The following PTPRZ1 variants were observed in gnomAD, a reference collection of about 807,000 sequenced individuals.
The protein encoded by PTPRZ1 is receptor-type tyrosine-protein phosphatase zeta.
PTPRZ1 carries 82 observed loss-of-function variants against 214.1 expected under a neutral mutation model. The observed-to-expected ratio is 0.38, with a 90% CI of 0.32 to 0.46. PTPRZ1 has a LOEUF of 0.46. PTPRZ1 is among the 20% of genes least tolerant of loss of function. The probability of loss-of-function intolerance (pLI) is 1.00; values close to 1 mark genes in which losing one functional copy is unlikely to be tolerated. For missense variants in PTPRZ1, 2,603 were observed against 2,748.7 expected (o/e 0.95, Z 1.19); for synonymous variants, 945 against 987.9 (o/e 0.96, Z 0.81).
chr7:121,924,234 T>G (rs1003229087), intron 1 of PTPRZ1, among the ~76,000 whole-genome samples: 1 of 152,172 alleles, frequency 6.6e-6, no homozygotes, highest in Non-Finnish European at 1.5e-5. Flanking sequence ...ATTTCATTAT[T>G]TTAATGGATC....
intron 6 of PTPRZ1, among the ~76,000 whole-genome samples, chr7:121,978,085 G>A (rs1458304655): frequency 6.6e-6 from 1 of 152,140 alleles, no homozygotes; most frequent in African/African-American, 2.4e-5. Flanking sequence ...ATACGAGCTT[G>A]AGAATAAACT....
intron 22 of PTPRZ1, among the ~76,000 whole-genome samples, chr7:122,043,602 G>A (rs1371388421): frequency 1.3e-5 from 2 of 152,024 alleles, no homozygotes; most frequent in African/African-American, 2.4e-5. Flanking sequence ...GCTTCAAAAC[G>A]AAACCACACC....
At chr7:122,059,673 G>T (rs1168425325) in intron 28 of PTPRZ1, 80 bp from the exon 29 acceptor site, 1 of 1,476,930 alleles carries the variant, frequency 6.8e-7, no homozygotes. Context: ...AGTTGTCAAG[G>T]CTATATGCTT....
intron 10 of PTPRZ1, among the ~76,000 whole-genome samples, chr7:122,004,332 C>T (rs1411786081): frequency 6.6e-6 from 1 of 152,012 alleles, no homozygotes; most frequent in Admixed American, 6.6e-5. Context: ...TTCTTAGCTT[C>T]AATCAGACTT....
chr7:121,948,201 T>A (rs1171721964), intron 2 of PTPRZ1, among the ~76,000 whole-genome samples: 2 of 152,198 alleles, frequency 1.3e-5, no homozygotes, highest in Admixed American at 6.5e-5. Flanking sequence ...GAGTATCACC[T>A]GTCTGTTAAC....
At chr7:121,918,043 G>A (rs1300761108) in intron 1 of PTPRZ1, among the ~76,000 whole-genome samples, 8 of 150,854 alleles carry the variant, frequency 5.3e-5, no homozygotes, top group African/African-American at 1.5e-4. Flanking sequence ...TTCTAGACCG[G>A]CTAAAAAAAA....
rs527684250 is a variant in PTPRZ1 at position 121,886,461 on chromosome 7, G to A, written c.58+12904G>A. Among the ~76,000 whole-genome samples the A allele has an allele frequency of 7.0e-3, 812 of 115,258 alleles. 9 individuals are homozygous for A. Among genetic ancestry groups the A allele is most frequent in the African/African-American group, 0.029 (757 of 26,400 alleles). The allele number at this position is 115,258 out of a possible 152,430, so 75.6% of individuals were successfully genotyped here. On this transcript the variant is annotated intron_variant, in intron 1 of 29. Transcript: ENST00000393386. ...GCTGAAACATTCCACTCTATTAAAT[G>A]TAACACACACACACACACACACACA...
intron 1 of PTPRZ1, among the ~76,000 whole-genome samples, chr7:121,906,933 A>T (rs1795133081): frequency 6.7e-6 from 1 of 149,666 alleles, no homozygotes; most frequent in Non-Finnish European, 1.5e-5. Flanking sequence ...GATGACAGTG[A>T]TGTAATGGTA....
At chr7:122,020,035 T>TTTATA (rs1392135166) in intron 13 of PTPRZ1, among the ~76,000 whole-genome samples, 25 of 152,308 alleles carry the variant, frequency 1.6e-4, no homozygotes, top group African/African-American at 5.5e-4. Context: ...GCATAGTACT[T>TTTATA]TTATAAAGTA....
At chr7:121,915,212 G>A (rs1206491) in intron 1 of PTPRZ1, among the ~76,000 whole-genome samples, 1 of 152,062 alleles carries the variant, frequency 6.6e-6, no homozygotes, top group African/African-American at 2.4e-5. Flanking sequence ...CCCTGATCAG[G>A]AGGGAACAGC....
intron 1 of PTPRZ1, among the ~76,000 whole-genome samples, chr7:121,907,743 T>C (rs186130659): frequency 2.2e-3 from 324 of 148,266 alleles, no homozygotes; most frequent in Non-Finnish European, 3.7e-3. Context: ...CATGTATAAG[T>C]TTCACAAATA....
chr7:121,908,467 T>G (rs1369525065), intron 1 of PTPRZ1: 1 of 394,820 alleles, frequency 2.5e-6, no homozygotes, highest in African/African-American at 2.1e-5. Context: ...TTCCTTTTTG[T>G]TTGTGTTATA....
intron 8 of PTPRZ1, among the ~76,000 whole-genome samples, chr7:121,989,375 G>T (rs1347780931): frequency 2.9e-5 from 4 of 137,446 alleles, no homozygotes; most frequent in Non-Finnish European, 3.1e-5. Flanking sequence ...TCCTATGAAA[G>T]TTTTTTTTTT....
At chr7:121,879,774 C>CT (rs1278172059) in intron 1 of PTPRZ1, among the ~76,000 whole-genome samples, 2 of 151,926 alleles carry the variant, frequency 1.3e-5, no homozygotes, top group Non-Finnish European at 2.9e-5. Flanking sequence ...TCCTCCCTTC[C>CT]TTTTTTCTTT....
At position 121,873,313 on chromosome 7, in the gene PTPRZ1, C is replaced by A; in HGVS notation, c.-187C>A. 1.8e-6 allele frequency: 1 copy of A among 542,296 alleles called. No homozygotes were observed. The highest frequency in any genetic ancestry group is 2.4e-5 in the South Asian group (1 of 41,324). The allele number at this position is 542,296 out of a possible 1,614,324, so 33.6% of individuals were successfully genotyped here. A position where few individuals can be genotyped will look rare whatever the true frequency, so the allele number is the denominator to read the frequency against. On this transcript the variant is annotated 5_prime_UTR_variant, in exon 1 of 30. In the 5' UTR this introduces an upstream ATG that the reference lacks. Coordinates refer to ENST00000393386, the MANE Select transcript of PTPRZ1 (RefSeq NM_002851.3). Reference sequence around the variant, plus strand: ...TGACTGTCTCTCTCTGTCTCTGTCTCTGTCTCTCTCTCTCTCACACACACA... The same window carrying A: ...TGACTGTCTCTCTCTGTCTCTGTCTATGTCTCTCTCTCTCTCACACACACA...
intron 21 of PTPRZ1, among the ~76,000 whole-genome samples, chr7:122,041,679 C>T (rs1438504729): frequency 1.3e-5 from 2 of 152,052 alleles, no homozygotes; most frequent in Admixed American, 1.3e-4. Context: ...GTGTGCCAAG[C>T]CTTAGATCAC....
Position 122,034,126 on chromosome 7 carries a change from A to G in PTPRZ1, c.5187+11A>G. ...AAAGAGTTTTACCAGGTAAGGCATT[A>G]TTTCACTGCATTTTCTTTTAGCCAA... On this transcript the variant is annotated intron_variant, in intron 16 of 29. Coordinates refer to ENST00000393386, the MANE Select transcript of PTPRZ1 (RefSeq NM_002851.3). The G allele has an allele frequency of 1.3e-6, 2 of 1,591,150 alleles. No homozygotes were observed. The highest frequency in any genetic ancestry group is 8.6e-7 in the Non-Finnish European group (1 of 1,159,970).
At chr7:121,877,290 A>G (rs1794091416) in intron 1 of PTPRZ1, among the ~76,000 whole-genome samples, 1 of 152,146 alleles carries the variant, frequency 6.6e-6, no homozygotes, top group Non-Finnish European at 1.5e-5. Context: ...TTCCCAATCC[A>G]GAGCCTGAGG....
Position 121,980,026 on chromosome 7 carries a change from G to GA in PTPRZ1, c.619+3187dup, listed in dbSNP as rs57030236. On this transcript the variant is annotated intron_variant, in intron 6 of 29. Transcript: ENST00000393386. ...ACATTGGGGATAGGGAGAGGAAAAT[G>GA]AAAAAAAAAAAATCTTCTTCTGATT... 4.0e-3 allele frequency among the ~76,000 whole-genome samples: 567 copies of GA among 143,258 alleles called. 8 individuals are homozygous for GA. Among genetic ancestry groups the GA allele is most frequent in the South Asian group, 0.039 (179 of 4,546 alleles). The allele number at this position is 143,258 out of a possible 152,430, so 94.0% of individuals were successfully genotyped here.
Sources: allele counts gnomAD v4.1 joint callset (sites outside exome capture counted in the v4.1 genomes callset), GRCh38; gene constraint gnomAD v4.1.1; transcripts MANE v1.5; gene names NCBI Gene and HGNC (gene_info 2026-07-23, HGNC 2026-07-21).